Variants in SYNE1 observed in about 807,000 individuals in gnomAD.
SYNE1 encodes spectrin repeat containing nuclear envelope protein 1, also known as nesprin-1.
A neutral mutation model predicts 1,111.0 loss-of-function variants in SYNE1; 616 were observed. The ratio of observed to expected loss-of-function variants is 0.55; its 90% CI spans 0.52 to 0.59. The LOEUF is 0.59. Among genes scored for constraint, SYNE1 ranks in the 20% least tolerant of loss-of-function variants. The pLI is 0.00. For synonymous variants in SYNE1, 3,855 were observed against 3,825.8 expected, an observed-to-expected ratio of 1.01 and a Z score of -0.28; for missense variants, 10,006 against 10,417.0, an observed-to-expected ratio of 0.96 and a Z score of 1.72.
At chr6:152,438,687 C>A (rs1218895444) in intron 32 of SYNE1, among the ~76,000 whole-genome samples, 1 of 152,138 alleles carries the variant, frequency 6.6e-6, no homozygotes, top group Non-Finnish European at 1.5e-5. Flanking sequence ...CATGACATTG[C>A]TATGAACCCT....
intron 3 of SYNE1, among the ~76,000 whole-genome samples, chr6:152,626,947 T>G (rs891119749): frequency 1.3e-5 from 2 of 152,230 alleles, no homozygotes; most frequent in African/African-American, 2.4e-5. Context: ...AAATGCATTA[T>G]AAGCAAAGAA....
At chr6:152,139,558 G>A (rs2057910742) in intron 140 of SYNE1, among the ~76,000 whole-genome samples, 1 of 132,628 alleles carries the variant, frequency 7.5e-6, no homozygotes. Flanking sequence ...GCAACGGAGT[G>A]AGACTCCATC....
rs2095481892 is a variant in SYNE1 at position 152,309,416 on chromosome 6, G to C, written c.17202+419C>G. Among the ~76,000 whole-genome samples the C allele has an allele frequency of 2.0e-5, 3 of 152,010 alleles. 1 individual carries two copies. In the South Asian group the frequency reaches 6.2e-4, roughly 32 times the overall value. ...AAGAGACTAAGAATTATACTTGAGTGCATTTTTTTAGGCACTCAAAAGAAA... is the reference window on the plus strand; with the variant it reads ...AAGAGACTAAGAATTATACTTGAGTCCATTTTTTTAGGCACTCAAAAGAAA... On this transcript the variant is annotated intron_variant, in intron 90 of 145. Transcript: ENST00000367255.
chr6:152,453,592 T>C lies in SYNE1; in HGVS notation c.3021A>G (p.Gln1007=). 1 of 1,614,230 alleles carries C rather than the reference T, an allele frequency of 6.2e-7. No individual in the cohort carries two copies. The highest frequency in any genetic ancestry group is 8.5e-7 in the Non-Finnish European group (1 of 1,180,032). The change falls in exon 25 of 146, where the codon CAA becomes CAG. Residue 1007 remains glutamine (Q), a synonymous_variant. Transcript: ENST00000367255. Reference sequence around the variant, plus strand: ...CCGTCCTGTCCTGACTCACCTTCCATTGTTTGTGGAGCTTTCGAACAGCTT... The same window carrying C: ...CCGTCCTGTCCTGACTCACCTTCCACTGTTTGTGGAGCTTTCGAACAGCTT... ...LQEAVRKLHK[Q]WKDLQGEAPY... is the part of the protein sequence containing the mutation.
intron 75 of SYNE1, among the ~76,000 whole-genome samples, chr6:152,337,963 C>T (rs1384744045): frequency 1.3e-5 from 2 of 152,042 alleles, no homozygotes; most frequent in Non-Finnish European, 2.9e-5. Context: ...ACCTGGGCAA[C>T]ACAGTGAAAC....
chr6:152,273,294 A>G (rs2093347231), intron 98 of SYNE1, among the ~76,000 whole-genome samples: 1 of 152,206 alleles, frequency 6.6e-6, no homozygotes, highest in Non-Finnish European at 1.5e-5. Context: ...AGCATAGCAG[A>G]AGCTTCTTCG....
intron 13 of SYNE1, among the ~76,000 whole-genome samples, chr6:152,483,616 T>C (rs1046448324): frequency 3.9e-5 from 6 of 152,158 alleles, no homozygotes; most frequent in East Asian, 3.9e-4. Context: ...GCAGCAGTTA[T>C]ACACCTGGCA....
chr6:152,354,456 A>G (rs1400424853), intron 67 of SYNE1, among the ~76,000 whole-genome samples: 1 of 152,260 alleles, frequency 6.6e-6, no homozygotes, highest in African/African-American at 2.4e-5. Flanking sequence ...TGGTTACATT[A>G]AACTACCTTG....
At chr6:152,237,469 C>A (rs1328400429) in intron 108 of SYNE1, among the ~76,000 whole-genome samples, 1 of 151,456 alleles carries the variant, frequency 6.6e-6, no homozygotes, top group Non-Finnish European at 1.5e-5. Context: ...TCCACCACAC[C>A]AGGCTAACTT....
intron 37 of SYNE1, 101 bp from the exon 38 acceptor site, chr6:152,427,917 A>G: frequency 6.6e-7 from 1 of 1,524,506 alleles, no homozygotes; most frequent in Non-Finnish European, 9.0e-7. Context: ...CATAGTAAAT[A>G]CAGCCTCAGT....
intron 2 of SYNE1, among the ~76,000 whole-genome samples, chr6:152,631,891 A>G (rs543552538): frequency 3.9e-4 from 59 of 152,280 alleles, no homozygotes; most frequent in African/African-American, 1.4e-3. Context: ...TATCTTTGGA[A>G]CAACTCAGGA....
At chr6:152,176,979 A>G (rs778703810) in intron 129 of SYNE1, among the ~76,000 whole-genome samples, 25 of 152,090 alleles carry the variant, frequency 1.6e-4, no homozygotes, top group Non-Finnish European at 3.4e-4. Context: ...GCACACACAC[A>G]TATATATATG....
At chr6:152,393,909 G>T (rs537787765) in intron 51 of SYNE1, among the ~76,000 whole-genome samples, 3 of 152,118 alleles carry the variant, frequency 2.0e-5, no homozygotes, top group Non-Finnish European at 4.4e-5. Context: ...CAAGTGCCAT[G>T]GTGGTTTGCT....
At chr6:152,216,681 G>A (rs1001069051) in intron 121 of SYNE1, among the ~76,000 whole-genome samples, 5 of 152,282 alleles carry the variant, frequency 3.3e-5, no homozygotes, top group African/African-American at 9.6e-5. Context: ...GGGAAACCTT[G>A]AGAGCTTTAA....
Position 152,480,147 on chromosome 6 carries a change from T to C in SYNE1, c.1350+2938A>G, listed in dbSNP as rs144323484. Among the ~76,000 whole-genome samples, 327 of 152,344 alleles carry C rather than the reference T, an allele frequency of 2.1e-3. 2 individuals are homozygous for C. Among genetic ancestry groups the C allele is most frequent in the African/African-American group, 7.3e-3 (302 of 41,588 alleles). On this transcript the variant is annotated intron_variant, in intron 14 of 145. Coordinates refer to ENST00000367255, the MANE Select transcript of SYNE1 (RefSeq NM_182961.4). Reference sequence around the variant, plus strand: ...ATTGCATCTCCAAGTGAGCCCAATATACCAGCACAGAGGTGTTACATCAAA... The same window carrying C: ...ATTGCATCTCCAAGTGAGCCCAATACACCAGCACAGAGGTGTTACATCAAA...
At chr6:152,334,751 A>G (rs961309902) in intron 76 of SYNE1, among the ~76,000 whole-genome samples, 1 of 152,224 alleles carries the variant, frequency 6.6e-6, no homozygotes, top group African/African-American at 2.4e-5. Context: ...TCTGTTCAGT[A>G]AACATTATTA....
At chr6:152,262,246 G>A in intron 100 of SYNE1, 58 bp from the exon 101 acceptor site, 3 of 1,494,214 alleles carry the variant, frequency 2.0e-6, no homozygotes, top group African/African-American at 1.4e-5. Flanking sequence ...GATAAGACAG[G>A]TAACTTATTG....
At chr6:152,427,885 A>C (rs2098384541) in intron 37 of SYNE1, 69 bp from the exon 38 acceptor site, 1 of 1,606,848 alleles carries the variant, frequency 6.2e-7, no homozygotes, top group African/African-American at 1.3e-5. Context: ...ACCTTTGTGA[A>C]GTTGGAGGGT....
At chr6:152,561,126 T>C (rs1018153305) in intron 3 of SYNE1, among the ~76,000 whole-genome samples, 2 of 152,108 alleles carry the variant, frequency 1.3e-5, no homozygotes, top group Admixed American at 6.6e-5. Context: ...AAGGAATACA[T>C]AGACTTTTGT....
Sources: allele counts gnomAD v4.1 joint callset (sites outside exome capture counted in the v4.1 genomes callset), GRCh38; gene constraint gnomAD v4.1.1; transcripts MANE v1.5; gene names NCBI Gene and HGNC (gene_info 2026-07-23, HGNC 2026-07-21).